The following RORA variants were observed in gnomAD, a reference collection of about 807,000 sequenced individuals.
RORA encodes the protein nuclear receptor ROR-alpha.
RORA carries 7 observed loss-of-function variants against 69.5 expected under a neutral mutation model. The observed-to-expected ratio is 0.10, with a 90% CI of 0.06 to 0.19. The LOEUF is 0.19. Ranked by LOEUF, RORA falls within the 10% of genes least tolerant of loss-of-function variation. The pLI, the probability that RORA is intolerant of heterozygous loss-of-function variation, is 1.00. For synonymous variants in RORA, 261 were observed against 240.8 expected, an observed-to-expected ratio of 1.08 and a Z score of -0.78; for missense variants, 457 against 663.0, an observed-to-expected ratio of 0.69 and a Z score of 3.41.
At chr15:60,832,613 C>G (rs1294343376) in intron 1 of RORA, among the ~76,000 whole-genome samples, 1 of 152,042 alleles carries the variant, frequency 6.6e-6, no homozygotes, top group African/African-American at 2.4e-5. Flanking sequence ...TCTTAGACAT[C>G]TATACCCAAA....
intron 1 of RORA, among the ~76,000 whole-genome samples, chr15:60,852,617 T>G (rs1275950688): frequency 6.6e-6 from 1 of 152,152 alleles, no homozygotes. Flanking sequence ...GAAAGCAACC[T>G]GGGAATATTT....
intron 1 of RORA, among the ~76,000 whole-genome samples, chr15:60,720,375 G>T (rs1457783894): frequency 6.6e-6 from 1 of 152,178 alleles, no homozygotes; most frequent in Non-Finnish European, 1.5e-5. Flanking sequence ...AGCAGAAAGA[G>T]GCAGACGATA....
intron 1 of RORA, among the ~76,000 whole-genome samples, chr15:60,690,820 C>T (rs570998601): frequency 1.5e-4 from 23 of 152,268 alleles, no homozygotes; most frequent in East Asian, 7.7e-4. Context: ...GAGGCCTGGA[C>T]GCGTTGAAGT....
intron 2 of RORA, among the ~76,000 whole-genome samples, chr15:60,613,419 GA>G (rs1348265841): frequency 6.6e-6 from 1 of 152,110 alleles, no homozygotes; most frequent in Non-Finnish European, 1.5e-5. Flanking sequence ...AAGAGCTCTG[GA>G]GTCAGATCCA....
At chr15:60,685,468 T>C (rs568399878) in intron 1 of RORA, among the ~76,000 whole-genome samples, 1 of 152,208 alleles carries the variant, frequency 6.6e-6, no homozygotes, top group East Asian at 1.9e-4. Flanking sequence ...TGGCCTTATG[T>C]CCCCCTCCTC....
intron 1 of RORA, among the ~76,000 whole-genome samples, chr15:60,701,462 G>A (rs1228193303): frequency 6.6e-6 from 1 of 152,126 alleles, no homozygotes; most frequent in Non-Finnish European, 1.5e-5. Context: ...TTCTAACTGG[G>A]GATTCAGTTT....
At chr15:60,508,072 A>G (rs1398889067) in intron 5 of RORA, among the ~76,000 whole-genome samples, 3 of 152,232 alleles carry the variant, frequency 2.0e-5, no homozygotes, top group African/African-American at 4.8e-5. Flanking sequence ...GTAAGATTTT[A>G]GACACTTTGC....
At chr15:60,728,875 T>G (rs1043007356) in intron 1 of RORA, among the ~76,000 whole-genome samples, 3 of 152,170 alleles carry the variant, frequency 2.0e-5, no homozygotes, top group African/African-American at 7.2e-5. Flanking sequence ...AGGTGCAGAT[T>G]TTTAAAAACT....
At chr15:60,630,888 C>CTTTTT (rs542275787) in intron 2 of RORA, among the ~76,000 whole-genome samples, 1 of 109,894 alleles carries the variant, frequency 9.1e-6, no homozygotes, top group East Asian at 2.9e-4. Context: ...ATGAGACTTT[C>CTTTTT]TTTTTTTTTT....
chr15:61,073,298 T>C (rs1198088629), intron 1 of RORA, among the ~76,000 whole-genome samples: 2 of 152,182 alleles, frequency 1.3e-5, no homozygotes, highest in Admixed American at 6.5e-5. Flanking sequence ...CAAGCTTCCT[T>C]ACCACTCCTG....
At chr15:61,220,728 T>C (rs998382855) in intron 1 of RORA, among the ~76,000 whole-genome samples, 1 of 152,210 alleles carries the variant, frequency 6.6e-6, no homozygotes, top group Non-Finnish European at 1.5e-5. Flanking sequence ...CTCCCTTACC[T>C]GCCTTTGTCA....
At chr15:60,832,742 C>T (rs1456631267) in intron 1 of RORA, among the ~76,000 whole-genome samples, 3 of 152,072 alleles carry the variant, frequency 2.0e-5, no homozygotes, top group Non-Finnish European at 4.4e-5. Context: ...CCAAAAACAT[C>T]ATCTGTCACA....
intron 2 of RORA, among the ~76,000 whole-genome samples, chr15:60,565,679 A>G (rs1408351588): frequency 6.6e-6 from 1 of 152,214 alleles, no homozygotes; most frequent in Non-Finnish European, 1.5e-5. Context: ...TAGCCATATC[A>G]CCCTCAGAGA....
Position 60,931,190 on chromosome 15 carries a change from T to G in RORA, c.167-252504A>C, listed in dbSNP as rs367849530. On this transcript the variant is annotated intron_variant, in intron 1 of 10. Transcript: ENST00000335670. ...GAGCAGCAGATAGGCTCCAGGTCCA[T>G]AAGTGGGGCCAGGCAGGCTTACAGG... 5.9e-5 allele frequency among the ~76,000 whole-genome samples: 9 copies of G among 152,156 alleles called. No homozygotes were observed. In the East Asian group the frequency reaches 1.4e-3, roughly 23 times the overall value.
intron 1 of RORA, among the ~76,000 whole-genome samples, chr15:61,221,730 A>G (rs1199798393): frequency 3.3e-5 from 5 of 152,188 alleles, no homozygotes; most frequent in Non-Finnish European, 7.3e-5. Flanking sequence ...TATTTTTAAC[A>G]CTGCACTGCC....
In RORA at chr15:60,491,426, AAC is replaced by A. The variant is rs1238074717; in HGVS notation, c.*6027_*6028del. The stretch of plus-strand genomic sequence containing the variant: ...CAAAGTACATTAAATGTAAACAGCA[AAC>A]ACAGATTTCCTAGGCATCTATTTAA... On this transcript the variant is annotated 3_prime_UTR_variant, in exon 11 of 11. Transcript: ENST00000335670. 2.6e-5 allele frequency: 4 copies of A among 152,086 alleles called. No homozygotes were observed. The highest frequency in any genetic ancestry group is 5.9e-5 in the Non-Finnish European group (4 of 67,994). 9.4% of individuals were successfully genotyped at this position (152,086 alleles called of 1,614,324 possible).
intron 1 of RORA, among the ~76,000 whole-genome samples, chr15:60,767,965 C>G (rs2072015263): frequency 6.6e-6 from 1 of 152,162 alleles, no homozygotes; most frequent in South Asian, 2.1e-4. Context: ...CCACCATGCC[C>G]AGCACAGATG....
intron 1 of RORA, among the ~76,000 whole-genome samples, chr15:60,986,779 T>C (rs1894215475): frequency 6.6e-6 from 1 of 152,174 alleles, no homozygotes; most frequent in South Asian, 2.1e-4. Flanking sequence ...AGCTGTCACA[T>C]GGGGGTCAGG....
chr15:60,898,690 C>T (rs1352945359), intron 1 of RORA, among the ~76,000 whole-genome samples: 1 of 151,770 alleles, frequency 6.6e-6, no homozygotes, highest in Non-Finnish European at 1.5e-5. Flanking sequence ...GAGTGATACT[C>T]TAACTCTTAA....
Sources: allele counts gnomAD v4.1 joint callset (sites outside exome capture counted in the v4.1 genomes callset), GRCh38; gene constraint gnomAD v4.1.1; transcripts MANE v1.5; gene names NCBI Gene and HGNC (gene_info 2026-07-23, HGNC 2026-07-21).